The following PRKG1 variants were observed in gnomAD, a reference collection of about 807,000 sequenced individuals.
The protein encoded by PRKG1 is protein kinase cGMP-dependent 1.
Under a neutral mutation model 88.1 loss-of-function variants are expected in PRKG1, and 35 were observed. The ratio of observed to expected loss-of-function variants is 0.40; its 90% CI spans 0.30 to 0.53. The LOEUF (loss-of-function observed/expected upper bound fraction) is 0.53. Ranked by LOEUF, PRKG1 falls within the 20% of genes least tolerant of loss-of-function variation. The pLI, the probability that PRKG1 is intolerant of heterozygous loss-of-function variation, is 0.59. For missense variants in PRKG1, 540 were observed against 839.8 expected, an observed-to-expected ratio of 0.64 and a Z score of 4.41; for synonymous variants, 303 against 292.5, an observed-to-expected ratio of 1.04 and a Z score of -0.37.
At chr10:51,126,361 A>C (rs1451294017) in intron 1 of PRKG1, among the ~76,000 whole-genome samples, 1 of 132,030 alleles carries the variant, frequency 7.6e-6, no homozygotes, top group African/African-American at 2.8e-5. Context: ...ATATTTTATT[A>C]TTTTATATTT....
chr10:51,814,686 A>G (rs905577094), intron 4 of PRKG1, among the ~76,000 whole-genome samples: 3 of 152,156 alleles, frequency 2.0e-5, no homozygotes, highest in Non-Finnish European at 2.9e-5. Context: ...TAAAGATGAC[A>G]CAAGGAGCAG....
intron 3 of PRKG1, among the ~76,000 whole-genome samples, chr10:51,509,447 G>A (rs1429552457): frequency 1.3e-5 from 2 of 152,172 alleles, no homozygotes; most frequent in Non-Finnish European, 2.9e-5. Flanking sequence ...TGTCATTAAC[G>A]TATCTGTAGA....
intron 2 of PRKG1, among the ~76,000 whole-genome samples, chr10:51,348,180 A>G (rs1842158514): frequency 1.3e-5 from 2 of 152,132 alleles, no homozygotes; most frequent in South Asian, 4.1e-4. Flanking sequence ...ATTGGAATAA[A>G]ATACTTACAC....
chr10:51,058,961 A>T (rs961331572), intron 1 of PRKG1, among the ~76,000 whole-genome samples: 7 of 152,178 alleles, frequency 4.6e-5, no homozygotes, highest in African/African-American at 1.7e-4. Flanking sequence ...TAGCTTATGT[A>T]TGTAGGTTTA....
chr10:52,280,727 AATAAAGCC>A, intron 12 of PRKG1, 54 bp from the exon 13 acceptor site: 1 of 1,546,534 alleles, frequency 6.5e-7, no homozygotes. Flanking sequence ...AGAAAAAAAA[AATAAAGCC>A]ATATTACAGA....
intron 8 of PRKG1, among the ~76,000 whole-genome samples, chr10:52,156,512 G>C (rs1007450133): frequency 6.6e-6 from 1 of 151,358 alleles, no homozygotes; most frequent in African/African-American, 2.4e-5. Flanking sequence ...TGGATGGACT[G>C]ATGGATGGAT....
intron 2 of PRKG1, among the ~76,000 whole-genome samples, chr10:51,170,942 C>T (rs965164199): frequency 1.3e-5 from 2 of 151,954 alleles, no homozygotes; most frequent in Non-Finnish European, 2.9e-5. Context: ...TTTCTTCCAG[C>T]GATGTAGAAT....
At chr10:51,543,588 A>C (rs1263079892) in intron 3 of PRKG1, among the ~76,000 whole-genome samples, 2 of 152,226 alleles carry the variant, frequency 1.3e-5, no homozygotes, top group Non-Finnish European at 1.5e-5. Context: ...GCAAAGCTAA[A>C]AGCAGCAGCC....
At chr10:51,276,373 A>T (rs1840117773) in intron 2 of PRKG1, among the ~76,000 whole-genome samples, 2 of 152,208 alleles carry the variant, frequency 1.3e-5, no homozygotes, top group African/African-American at 4.8e-5. Flanking sequence ...ATTGTTGGAC[A>T]TTTGGGTTGG....
intron 2 of PRKG1, among the ~76,000 whole-genome samples, chr10:51,209,104 C>G (rs1029677579): frequency 3.3e-5 from 5 of 152,142 alleles, no homozygotes; most frequent in Non-Finnish European, 7.4e-5. Context: ...GATATATTCA[C>G]TTTCAGGTTT....
At chr10:52,054,437 A>G (rs1846060591) in intron 5 of PRKG1, 47 bp from the exon 6 acceptor site, 1 of 1,433,620 alleles carries the variant, frequency 7.0e-7, no homozygotes, top group Admixed American at 1.7e-5. Context: ...GCTGTTTGGT[A>G]ACTTACTGCT....
chr10:52,024,892 G>A (rs1280289800), intron 5 of PRKG1, among the ~76,000 whole-genome samples: 1 of 152,138 alleles, frequency 6.6e-6, no homozygotes, highest in African/African-American at 2.4e-5. Flanking sequence ...CTAGATCCTT[G>A]AGGAATTGCC....
intron 5 of PRKG1, among the ~76,000 whole-genome samples, chr10:52,016,082 C>A (rs868137146): frequency 1.3e-5 from 2 of 152,210 alleles, no homozygotes; most frequent in African/African-American, 4.8e-5. Context: ...TTACTTAGTT[C>A]CAAAGTCACT....
chr10:52,169,301 G>T (rs1366702511), intron 9 of PRKG1, among the ~76,000 whole-genome samples: 1 of 152,260 alleles, frequency 6.6e-6, no homozygotes, highest in East Asian at 1.9e-4. Flanking sequence ...CTGAGTTCTG[G>T]AGGCTGTGAA....
chr10:51,981,127 G>A (rs11527417), intron 5 of PRKG1, among the ~76,000 whole-genome samples: 15,620 of 152,164 alleles, frequency 0.1, 1,193 homozygotes, highest in East Asian at 0.32. Flanking sequence ...GCCAGTAATG[G>A]TCTTTTCTCT....
chr10:52,011,394 T>C (rs114857723), intron 5 of PRKG1, among the ~76,000 whole-genome samples: 2,108 of 152,330 alleles, frequency 0.014, 55 homozygotes, highest in African/African-American at 0.048. Flanking sequence ...GAAGGATGAC[T>C]GAAAAAGCAG....
chr10:52,164,160 G>A (rs1838362800), intron 9 of PRKG1, among the ~76,000 whole-genome samples: 1 of 152,054 alleles, frequency 6.6e-6, no homozygotes, highest in Admixed American at 6.5e-5. Context: ...AGACCAGCCT[G>A]GCCAACATGG....
chr10:51,620,555 C>T (rs149829168), intron 3 of PRKG1, among the ~76,000 whole-genome samples: 1 of 151,488 alleles, frequency 6.6e-6, no homozygotes, highest in African/African-American at 2.4e-5. Context: ...GTTTTTCAGG[C>T]CATTGTTAAA....
intron 3 of PRKG1, among the ~76,000 whole-genome samples, chr10:51,776,092 A>G (rs1838427881): frequency 6.6e-6 from 1 of 152,158 alleles, no homozygotes; most frequent in Admixed American, 6.6e-5. Flanking sequence ...TACCTATTTC[A>G]GTGGGTTGTG....
Sources: allele counts gnomAD v4.1 joint callset (sites outside exome capture counted in the v4.1 genomes callset), GRCh38; gene constraint gnomAD v4.1.1; transcripts MANE v1.5; gene names NCBI Gene and HGNC (gene_info 2026-07-23, HGNC 2026-07-21).